The following IGSF21 variants were observed in gnomAD, a reference collection of about 807,000 sequenced individuals.
IGSF21 encodes immunoglobin superfamily member 21, also known as immunoglobulin superfamily member 21.
IGSF21 carries 28 observed loss-of-function variants against 46.8 expected under a neutral mutation model. The ratio of observed to expected loss-of-function variants is 0.60; its 90% CI spans 0.44 to 0.82. IGSF21 has a LOEUF of 0.82. Ranked by LOEUF, IGSF21 falls within the 40% of genes least tolerant of loss-of-function variation. The pLI, the probability that IGSF21 is intolerant of heterozygous loss-of-function variation, is 0.00. For missense variants in IGSF21, 624 were observed against 665.5 expected (o/e 0.94, Z 0.69); for synonymous variants, 284 against 273.6 (o/e 1.04, Z -0.38).
chr1:18,165,830 AG>A (rs1036298775), intron 1 of IGSF21, among the ~76,000 whole-genome samples: 1 of 152,234 alleles, frequency 6.6e-6, no homozygotes, highest in African/African-American at 2.4e-5. Flanking sequence ...CTTATTTAAA[AG>A]TGTTTTTATC....
Position 18,218,376 on chromosome 1 carries a change from C to T in IGSF21, c.71-9522C>T, listed in dbSNP as rs549937502. On this transcript the variant is annotated intron_variant, in intron 1 of 9. Transcript: ENST00000251296. Reference sequence around the variant, plus strand: ...TCTTCCAACACTGGGTATTACGATTCGACATGAGATTTGGGTGGAGACCAC... The same window carrying T: ...TCTTCCAACACTGGGTATTACGATTTGACATGAGATTTGGGTGGAGACCAC... Among the ~76,000 whole-genome samples, 13 of 152,238 alleles carry T rather than the reference C, an allele frequency of 8.5e-5. No individual in the cohort carries two copies. In the South Asian group the frequency reaches 1.0e-3, roughly 12 times the overall value.
At chr1:18,261,871 G>A (rs755741277) in intron 2 of IGSF21, among the ~76,000 whole-genome samples, 1 of 152,250 alleles carries the variant, frequency 6.6e-6, no homozygotes, top group Admixed American at 6.5e-5. Flanking sequence ...ACGTCGGGAA[G>A]TATTGTCAGG....
intron 3 of IGSF21, among the ~76,000 whole-genome samples, chr1:18,316,183 C>T (rs967314861): frequency 2.6e-5 from 4 of 152,142 alleles, no homozygotes; most frequent in Admixed American, 6.5e-5. Context: ...CTTTGCCAGG[C>T]GATGATGCAG....
chr1:18,159,473 T>C (rs564736193), intron 1 of IGSF21, among the ~76,000 whole-genome samples: 146 of 152,266 alleles, frequency 9.6e-4, no homozygotes, highest in African/African-American at 3.3e-3. Context: ...GACTGGTGGT[T>C]CCCCCATACT....
At chr1:18,340,105 TA>T (rs1400387765) in intron 4 of IGSF21, among the ~76,000 whole-genome samples, 5 of 152,240 alleles carry the variant, frequency 3.3e-5, no homozygotes, top group Non-Finnish European at 5.9e-5. Context: ...ATGGACATTC[TA>T]ATTTGCATTT....
intron 1 of IGSF21, among the ~76,000 whole-genome samples, chr1:18,167,452 G>A (rs1007708459): frequency 6.6e-6 from 1 of 152,156 alleles, no homozygotes; most frequent in Non-Finnish European, 1.5e-5. Context: ...AGAACCTGGG[G>A]AGCCTAAATT....
chr1:18,342,676 G>A (rs2085855117), intron 4 of IGSF21, among the ~76,000 whole-genome samples: 1 of 152,198 alleles, frequency 6.6e-6, no homozygotes, highest in Non-Finnish European at 1.5e-5. Context: ...ATATGAATGA[G>A]ATTATACAAT....
intron 1 of IGSF21, among the ~76,000 whole-genome samples, chr1:18,221,799 A>C (rs946313117): frequency 8.5e-5 from 13 of 152,150 alleles, no homozygotes; most frequent in Non-Finnish European, 1.5e-4. Context: ...CTCCGTCTTC[A>C]GCTGGTGGCT....
chr1:18,261,487 AATGACCTG>A (rs1464454191), intron 2 of IGSF21, among the ~76,000 whole-genome samples: 3 of 152,252 alleles, frequency 2.0e-5, no homozygotes, highest in African/African-American at 7.2e-5. Context: ...CTTCCGTGGC[AATGACCTG>A]ATGACCTGGA....
At chr1:18,306,183 C>A (rs1479884158) in intron 3 of IGSF21, among the ~76,000 whole-genome samples, 1 of 152,174 alleles carries the variant, frequency 6.6e-6, no homozygotes, top group African/African-American at 2.4e-5. Flanking sequence ...GCCCCATCCA[C>A]CTGGCCAGCC....
chr1:18,125,272 A>G (rs890330245), intron 1 of IGSF21, among the ~76,000 whole-genome samples: 7 of 152,156 alleles, frequency 4.6e-5, no homozygotes, highest in Admixed American at 1.3e-4. Context: ...CTGGGACATC[A>G]CTTCATTCAT....
chr1:18,235,403 C>T (rs2084663625), intron 2 of IGSF21, among the ~76,000 whole-genome samples: 1 of 152,114 alleles, frequency 6.6e-6, no homozygotes. Context: ...AAGGAAGATA[C>T]CAGCTAATGA....
intron 1 of IGSF21, among the ~76,000 whole-genome samples, chr1:18,207,657 G>C (rs1289384213): frequency 6.6e-6 from 1 of 152,216 alleles, no homozygotes; most frequent in Non-Finnish European, 1.5e-5. Flanking sequence ...CATATCACTG[G>C]GGAGCTGAAA....
intron 6 of IGSF21, among the ~76,000 whole-genome samples, chr1:18,371,911 G>T (rs1006117820): frequency 3.9e-5 from 6 of 152,192 alleles, no homozygotes; most frequent in Non-Finnish European, 7.3e-5. Flanking sequence ...ATTGAGATTT[G>T]GTTTTAGATG....
rs552149057 is a variant in IGSF21, at chr1:18,189,141, C to T, written c.71-38757C>T. On this transcript the variant is annotated intron_variant, in intron 1 of 9. Transcript: ENST00000251296. ...ATGGGCAGTGGCAGCAGGCCCAAGG[C>T]CTCATAGCGGGGTGCCAGCAGATCC... is the stretch of plus-strand genomic sequence containing the variant. 1.2e-4 allele frequency among the ~76,000 whole-genome samples: 19 copies of T among 152,344 alleles called. 2 individuals are homozygous for T. The South Asian group carries it at 3.9e-3, about 32-fold the overall frequency.
intron 1 of IGSF21, among the ~76,000 whole-genome samples, chr1:18,153,949 A>G (rs2086544491): frequency 2.0e-5 from 3 of 152,144 alleles, no homozygotes. Flanking sequence ...TGAAGCCCGG[A>G]GCAGGGAAGA....
chr1:18,158,912 A>G (rs1001742845), intron 1 of IGSF21, among the ~76,000 whole-genome samples: 2 of 152,214 alleles, frequency 1.3e-5, no homozygotes, highest in Admixed American at 1.3e-4. Flanking sequence ...GGTGTGTGGG[A>G]GAGTCTGGAG....
At chr1:18,378,180 G>A (rs999919311) in intron 9 of IGSF21, 76 bp from the exon 10 acceptor site, 4 of 1,215,562 alleles carry the variant, frequency 3.3e-6, no homozygotes, top group African/African-American at 1.5e-5. Flanking sequence ...GTCTTTGTTG[G>A]GGACCTGGAG....
rs537810839 is a variant in IGSF21, at chr1:18,159,677, G to A, written c.70+51479G>A. Among the ~76,000 whole-genome samples the A allele has an allele frequency of 1.8e-4, 24 of 132,660 alleles. No homozygotes were observed. The East Asian group carries it at 4.3e-3, about 24-fold the overall frequency. 87.0% of individuals were successfully genotyped at this position (132,660 alleles called of 152,430 possible). ...TTTTCTTTATAAATCACCCAGTCTC[G>A]GGTATGTCTTTTTTTTTTTTTTTGA... On this transcript the variant is annotated intron_variant, in intron 1 of 9. Coordinates refer to ENST00000251296, the MANE Select transcript of IGSF21 (RefSeq NM_032880.5).
Sources: allele counts gnomAD v4.1 joint callset (sites outside exome capture counted in the v4.1 genomes callset), GRCh38; gene constraint gnomAD v4.1.1; transcripts MANE v1.5; gene names NCBI Gene and HGNC (gene_info 2026-07-23, HGNC 2026-07-21).